ROR2: variants seen among roughly 807,000 people sequenced by gnomAD.
ROR2 encodes tyrosine-protein kinase transmembrane receptor ROR2.
Under a neutral mutation model 74.9 loss-of-function variants are expected in ROR2, and 33 were observed. That is an observed-to-expected ratio of 0.44 (90% confidence interval 0.33 to 0.59). The LOEUF (loss-of-function observed/expected upper bound fraction) is 0.59, where lower values mean the gene tolerates loss of function less well. ROR2 is among the 20% of genes least tolerant of loss of function. ROR2 has a pLI of 0.02. For missense variants in ROR2, 1,216 were observed against 1,313.8 expected (o/e 0.93, Z 1.15); for synonymous variants, 586 against 558.7 (o/e 1.05, Z -0.69).
intron 5 of ROR2, among the ~76,000 whole-genome samples, chr9:91,736,113 G>A (rs1206528831): frequency 1.3e-5 from 2 of 152,044 alleles, no homozygotes; most frequent in Admixed American, 6.5e-5. Context: ...TACTTTAATG[G>A]CAAAGAAAGC....
chr9:91,783,203 T>C (rs1248423470), intron 1 of ROR2, among the ~76,000 whole-genome samples: 1 of 152,128 alleles, frequency 6.6e-6, no homozygotes, highest in African/African-American at 2.4e-5. Context: ...TTTACCTTAA[T>C]TACCTGTGTA....
intron 4 of ROR2, 177 bp downstream of exon 4, chr9:91,755,894 T>A (rs1011832252): frequency 4.4e-6 from 3 of 677,964 alleles, no homozygotes; most frequent in East Asian, 5.4e-5. Context: ...ACAAGAAACA[T>A]GAAAAATGTA....
At chr9:91,825,322 G>A (rs1828254074) in intron 1 of ROR2, among the ~76,000 whole-genome samples, 1 of 152,146 alleles carries the variant, frequency 6.6e-6, no homozygotes, top group South Asian at 2.1e-4. Context: ...GGCATGTGAT[G>A]GGCTATTCAC....
chr9:91,923,216 A>C (rs1022177493), intron 1 of ROR2, among the ~76,000 whole-genome samples: 16 of 152,180 alleles, frequency 1.1e-4, no homozygotes, highest in Admixed American at 3.9e-4. Context: ...GCTGGGGATG[A>C]GGCAGTATAA....
intron 4 of ROR2, among the ~76,000 whole-genome samples, chr9:91,755,215 G>A (rs972404416): frequency 7.2e-5 from 11 of 152,188 alleles, no homozygotes; most frequent in African/African-American, 2.4e-4. Context: ...GAGACAGGTC[G>A]CTGCCCTGCC....
intron 1 of ROR2, among the ~76,000 whole-genome samples, chr9:91,929,301 G>A (rs918667151): frequency 6.6e-6 from 1 of 152,224 alleles, no homozygotes; most frequent in Admixed American, 6.5e-5. Flanking sequence ...GCAAGGGAGG[G>A]GGGCACAGTG....
At chr9:91,947,995 T>C (rs1832058390) in intron 1 of ROR2, among the ~76,000 whole-genome samples, 1 of 152,176 alleles carries the variant, frequency 6.6e-6, no homozygotes, top group Non-Finnish European at 1.5e-5. Flanking sequence ...TTATGAGTAT[T>C]TCACTAGAAA....
intron 1 of ROR2, among the ~76,000 whole-genome samples, chr9:91,846,275 G>A (rs184154153): frequency 3.3e-5 from 5 of 152,266 alleles, no homozygotes; most frequent in East Asian, 3.9e-4. Context: ...GTTTGGAGTC[G>A]GGGCCTGTAG....
intron 1 of ROR2, among the ~76,000 whole-genome samples, chr9:91,795,292 T>C (rs1342071937): frequency 6.6e-5 from 10 of 152,334 alleles, no homozygotes; most frequent in African/African-American, 2.2e-4. Context: ...ACATATTCAG[T>C]GCCATTAGCT....
chr9:91,865,410 T>C (rs1308470254), intron 1 of ROR2, among the ~76,000 whole-genome samples: 1 of 152,236 alleles, frequency 6.6e-6, no homozygotes, highest in Non-Finnish European at 1.5e-5. Flanking sequence ...AAAAATAACA[T>C]GACTGTAGTA....
intron 1 of ROR2, among the ~76,000 whole-genome samples, chr9:91,903,384 T>C (rs1408173176): frequency 6.6e-6 from 1 of 151,980 alleles, no homozygotes; most frequent in East Asian, 1.9e-4. Flanking sequence ...CCATCGGGCA[T>C]CAACTCACTT....
At position 91,730,900 on chromosome 9, in the gene ROR2, G is replaced by C. The variant is rs774978379; in HGVS notation, c.1183+10C>G. On this transcript the variant is annotated intron_variant, in intron 7 of 8. Transcript: ENST00000375708. ...TCAACACATTAAAAAAAGAGAGAGA[G>C]AATACATACTACACGAGGGTACGTC... The C allele has an allele frequency of 6.2e-7, 1 of 1,614,038 alleles. No individual in the cohort carries two copies. The highest frequency in any genetic ancestry group is 8.5e-7 in the Non-Finnish European group (1 of 1,180,016).
At chr9:91,901,202 T>C (rs1053364631) in intron 1 of ROR2, among the ~76,000 whole-genome samples, 3 of 152,260 alleles carry the variant, frequency 2.0e-5, no homozygotes, top group Non-Finnish European at 4.4e-5. Flanking sequence ...TTACATGGTA[T>C]GTATAACACA....
intron 7 of ROR2, among the ~76,000 whole-genome samples, chr9:91,729,956 T>C (rs1337112250): frequency 2.0e-5 from 3 of 152,034 alleles, no homozygotes; most frequent in African/African-American, 7.2e-5. Flanking sequence ...AATAATGGTG[T>C]TTTTTGTTTT....
intron 1 of ROR2, among the ~76,000 whole-genome samples, chr9:91,895,820 G>A (rs891865187): frequency 2.6e-5 from 4 of 152,178 alleles, no homozygotes; most frequent in African/African-American, 9.7e-5. Flanking sequence ...CTCCAGCCTG[G>A]GCGGCTGAGC....
rs546359281 is a variant in ROR2, at chr9:91,755,949, A to G, written c.494+122T>C. ...CAAGCACGTGGCCACCCCTGTGTGAAGCCCAGCCAACTTCTAGCAAATTCG... is the reference window on the plus strand; with the variant it reads ...CAAGCACGTGGCCACCCCTGTGTGAGGCCCAGCCAACTTCTAGCAAATTCG... On this transcript the variant is annotated intron_variant, in intron 4 of 8. Transcript: ENST00000375708. The G allele has an allele frequency of 2.4e-4, 245 of 1,024,486 alleles. 1 individual carries two copies. In the African/African-American group the frequency reaches 2.7e-3, roughly 11 times the overall value. 63.5% of individuals were successfully genotyped at this position (1,024,486 alleles called of 1,614,324 possible).
chr9:91,788,937 T>C (rs538232091), intron 1 of ROR2, among the ~76,000 whole-genome samples: 5 of 150,318 alleles, frequency 3.3e-5, no homozygotes, highest in South Asian at 2.1e-4. Flanking sequence ...AGGTTGATCA[T>C]AGAAGTAGAG....
intron 4 of ROR2, among the ~76,000 whole-genome samples, chr9:91,744,883 C>T (rs139318992): frequency 0.019 from 2,877 of 152,306 alleles, 93 homozygotes; most frequent in African/African-American, 0.066. Context: ...AAGCCAAACA[C>T]TTTCCCCCTT....
chr9:91,822,034 G>A (rs1828155049), intron 1 of ROR2, among the ~76,000 whole-genome samples: 2 of 152,054 alleles, frequency 1.3e-5, no homozygotes, highest in Non-Finnish European at 1.5e-5. Context: ...CCAAGAAAAG[G>A]CTAGAAAAAA....
Sources: allele counts gnomAD v4.1 joint callset (sites outside exome capture counted in the v4.1 genomes callset), GRCh38; gene constraint gnomAD v4.1.1; transcripts MANE v1.5; gene names NCBI Gene and HGNC (gene_info 2026-07-23, HGNC 2026-07-21).